FAM20C: variants seen among roughly 807,000 people sequenced by gnomAD.
The protein encoded by FAM20C is extracellular serine/threonine protein kinase FAM20C.
FAM20C carries 40 observed loss-of-function variants against 51.5 expected under a neutral mutation model. That is an observed-to-expected ratio of 0.78 (90% CI 0.60 to 1.01). FAM20C has a LOEUF of 1.01. FAM20C is among the 50% of genes least tolerant of loss of function. The probability of loss-of-function intolerance (pLI) is 0.00; values close to 1 mark genes in which losing one functional copy is unlikely to be tolerated. For synonymous variants in FAM20C, 406 were observed against 380.6 expected (o/e 1.07, Z -0.78); for missense variants, 861 against 844.7 (o/e 1.02, Z -0.24).
intron 3 of FAM20C, among the ~76,000 whole-genome samples, chr7:227,072 G>A (rs1027780034): frequency 3.3e-5 from 5 of 152,072 alleles, no homozygotes; most frequent in East Asian, 1.9e-4. Context: ...GTGTGTTTCC[G>A]TGGGGTCTCC....
At chr7:226,554 T>G (rs1787457241) in intron 3 of FAM20C, among the ~76,000 whole-genome samples, 1 of 152,070 alleles carries the variant, frequency 6.6e-6, no homozygotes, top group Admixed American at 6.5e-5. Flanking sequence ...TGCCCCCCGG[T>G]CGTGGCCCCG....
At chr7:250,754 C>T (rs1268495926) in intron 5 of FAM20C, among the ~76,000 whole-genome samples, 2 of 152,248 alleles carry the variant, frequency 1.3e-5, no homozygotes, top group East Asian at 1.9e-4. Context: ...CTGGTGCCCA[C>T]GGAGGCTGGG....
intron 4 of FAM20C, 60 bp from the exon 5 acceptor site, chr7:248,255 G>C (rs1788248556): frequency 1.6e-6 from 2 of 1,259,570 alleles, no homozygotes; most frequent in Non-Finnish European, 2.2e-6. Context: ...TGGAGGCAGG[G>C]ACACAGAGGC....
rs1032814314 is a variant in FAM20C at position 234,999 on chromosome 7, A to T, written c.864-11416A>T. ...GCTAGGCAGGGAATGGGCCACAGTC[A>T]TGCCAGGAATGGGCCCCGGGCCACT... On this transcript the variant is annotated intron_variant, in intron 3 of 9. Transcript: ENST00000313766. 4.3e-3 allele frequency among the ~76,000 whole-genome samples: 649 copies of T among 152,226 alleles called. 4 individuals carry two copies. Among genetic ancestry groups the T allele is most frequent in the African/African-American group, 0.015 (605 of 41,522 alleles).
chr7:219,925 C>T (rs539807957), intron 3 of FAM20C, among the ~76,000 whole-genome samples: 6 of 152,340 alleles, frequency 3.9e-5, no homozygotes, highest in Admixed American at 1.3e-4. Flanking sequence ...GCCCAATGGG[C>T]TGGGTGGGTG....
At chr7:201,639 G>A (rs973374957) in intron 2 of FAM20C, among the ~76,000 whole-genome samples, 8 of 152,238 alleles carry the variant, frequency 5.3e-5, no homozygotes, top group Non-Finnish European at 8.8e-5. Flanking sequence ...AGGCCACACC[G>A]ATTGGGGCCT....
chr7:260,210 C>A lies in FAM20C; in HGVS notation c.*230C>A. The A allele has an allele frequency of 2.0e-6, 1 of 509,384 alleles. No homozygotes were observed. Among genetic ancestry groups the A allele is most frequent in the Non-Finnish European group, 3.3e-6 (1 of 305,452 alleles). 31.6% of individuals were successfully genotyped at this position (509,384 alleles called of 1,614,324 possible). On this transcript the variant is annotated 3_prime_UTR_variant, in exon 10 of 10. Coordinates refer to ENST00000313766, the MANE Select transcript of FAM20C (RefSeq NM_020223.4). ...CGCTGTCTGTGCTCACGGACAGAGG[C>A]GGCCGGCGCCGGAGGCATTCCATCC...
At position 245,089 on chromosome 7, in the gene FAM20C, G is replaced by A. The variant is rs961278483; in HGVS notation, c.864-1326G>A. On this transcript the variant is annotated intron_variant, in intron 3 of 9. Transcript: ENST00000313766. ...GTTCGTGTGGCGATGATGTCGGCCC[G>A]TGGCAGGGCCAGGATGCTCCCAGGA... Among the ~76,000 whole-genome samples, 46 of 152,364 alleles carry A rather than the reference G, an allele frequency of 3.0e-4. 1 individual carries two copies. Among genetic ancestry groups the A allele is most frequent in the African/African-American group, 9.6e-4 (40 of 41,600 alleles).
At chr7:223,543 A>G (rs1787332016) in intron 3 of FAM20C, among the ~76,000 whole-genome samples, 1 of 152,204 alleles carries the variant, frequency 6.6e-6, no homozygotes, top group African/African-American at 2.4e-5. Flanking sequence ...ATGGTGGGGC[A>G]GATGCCGTGG....
chr7:254,249 C>A (rs1159274752), intron 5 of FAM20C, among the ~76,000 whole-genome samples: 4 of 152,222 alleles, frequency 2.6e-5, no homozygotes, highest in African/African-American at 9.6e-5. Flanking sequence ...GTTCACTCCG[C>A]TGGGAAGCGC....
At chr7:227,993 G>C (rs1787510440) in intron 3 of FAM20C, 1 of 159,994 alleles carries the variant, frequency 6.3e-6, no homozygotes, top group South Asian at 1.8e-4. Flanking sequence ...CTGGCGCAGA[G>C]GTTTCCTGCA....
chr7:204,263 C>T (rs534929582), intron 2 of FAM20C, among the ~76,000 whole-genome samples: 21 of 152,348 alleles, frequency 1.4e-4, no homozygotes, highest in African/African-American at 3.8e-4. Context: ...AGCCCGTTTA[C>T]GGAGCCTCGA....
At chr7:223,685 G>T (rs560743223) in intron 3 of FAM20C, among the ~76,000 whole-genome samples, 1 of 152,262 alleles carries the variant, frequency 6.6e-6, no homozygotes, top group Non-Finnish European at 1.5e-5. Flanking sequence ...TGCAGTCACA[G>T]GGAGGGGCCC....
intron 3 of FAM20C, among the ~76,000 whole-genome samples, chr7:220,416 TG>T (rs1352891317): frequency 1.9e-4 from 12 of 62,986 alleles, no homozygotes; most frequent in African/African-American, 7.3e-4. Context: ...CCGGGGGGCG[TG>T]GTCAACGCAC....
rs934926283 is a variant in FAM20C, at chr7:242,510, G to C, written c.864-3905G>C. On this transcript the variant is annotated intron_variant, in intron 3 of 9. Coordinates refer to ENST00000313766, the MANE Select transcript of FAM20C (RefSeq NM_020223.4). Reference sequence around the variant, plus strand: ...GCAGGCTGGGGAGACAGCACTGTTCGGTGCACTGGGGGCAGGGCCAGTGAG... The same window carrying C: ...GCAGGCTGGGGAGACAGCACTGTTCCGTGCACTGGGGGCAGGGCCAGTGAG... Among the ~76,000 whole-genome samples the C allele has an allele frequency of 1.4e-3, 208 of 152,066 alleles. 2 individuals carry two copies. Among genetic ancestry groups the C allele is most frequent in the African/African-American group, 4.7e-3 (194 of 41,490 alleles).
intron 3 of FAM20C, among the ~76,000 whole-genome samples, chr7:219,669 ACT>A (rs1167857370): frequency 6.6e-6 from 1 of 151,886 alleles, no homozygotes; most frequent in East Asian, 2.0e-4. Flanking sequence ...TCCTGCAGAG[ACT>A]CCTGGGTGAA....
intron 9 of FAM20C, among the ~76,000 whole-genome samples, chr7:259,115 C>G (rs937751078): frequency 6.6e-6 from 1 of 152,256 alleles, no homozygotes; most frequent in African/African-American, 2.4e-5. Context: ...GCTTGCAGGG[C>G]AAACGCTTTG....
chr7:253,661 G>C (rs192444572), intron 5 of FAM20C, among the ~76,000 whole-genome samples: 1 of 151,476 alleles, frequency 6.6e-6, no homozygotes, highest in African/African-American at 2.5e-5. Flanking sequence ...CCCGCTTCCC[G>C]GGCGAGGGGC....
At chr7:254,362 G>A (rs2115168231) in intron 5 of FAM20C, among the ~76,000 whole-genome samples, 1 of 152,374 alleles carries the variant, frequency 6.6e-6, no homozygotes, top group Non-Finnish European at 1.5e-5. Flanking sequence ...GGGACTGGGG[G>A]AGCTGTGAGT....
Sources: allele counts gnomAD v4.1 joint callset (sites outside exome capture counted in the v4.1 genomes callset), GRCh38; gene constraint gnomAD v4.1.1; transcripts MANE v1.5; gene names NCBI Gene and HGNC (gene_info 2026-07-23, HGNC 2026-07-21).